FRMPD4: variants seen among roughly 807,000 people sequenced by gnomAD.
The protein encoded by FRMPD4 is FERM and PDZ domain containing 4, also known as FERM and PDZ domain-containing protein 4.
In FRMPD4, 22 loss-of-function variants were observed where a neutral mutation model predicts 94.1. The ratio of observed to expected loss-of-function variants is 0.23; its 90% confidence interval spans 0.17 to 0.33. FRMPD4 has a LOEUF of 0.33. Ranked by LOEUF, FRMPD4 falls within the 10% of genes least tolerant of loss-of-function variation. The pLI, the probability that FRMPD4 is intolerant of heterozygous loss-of-function variation, is 1.00. For missense variants in FRMPD4, 1,111 were observed against 1,339.9 expected, an observed-to-expected ratio of 0.83 and a Z score of 2.67; for synonymous variants, 631 against 548.6, an observed-to-expected ratio of 1.15 and a Z score of -2.10.
At chrX:11,874,074 G>GGTTGT (rs1286830897) in intron 2 of FRMPD4, among the ~76,000 whole-genome samples, 1 of 111,754 alleles carries the variant, frequency 8.9e-6, no homozygotes, top group Non-Finnish European at 1.9e-5. Flanking sequence ...AAAACAGGAT[G>GGTTGT]GTTGTGTCTG....
intron 2 of FRMPD4, among the ~76,000 whole-genome samples, chrX:11,867,376 T>C (rs1156736650): frequency 3.6e-5 from 4 of 111,871 alleles, no homozygotes; most frequent in Non-Finnish European, 7.5e-5. Context: ...AAGCCAATTG[T>C]ATTCACTTAG....
intron 1 of FRMPD4, among the ~76,000 whole-genome samples, chrX:11,833,598 T>C (rs1463930127): frequency 8.9e-6 from 1 of 111,806 alleles, no homozygotes; most frequent in African/African-American, 3.3e-5. Context: ...TTTTAGTGGC[T>C]GGGAAAAGTA....
intron 3 of FRMPD4, among the ~76,000 whole-genome samples, chrX:12,117,099 C>G (rs17321613): frequency 9.1e-6 from 1 of 109,815 alleles, no homozygotes; most frequent in Non-Finnish European, 1.9e-5. Flanking sequence ...CCTGAGGTAT[C>G]TTCTCAAATC....
chrX:11,964,228 C>T (rs1350849770), intron 3 of FRMPD4, among the ~76,000 whole-genome samples: 2 of 109,804 alleles, frequency 1.8e-5, no homozygotes, highest in Non-Finnish European at 1.9e-5. Flanking sequence ...GGCGCAATCT[C>T]GGCTCACTGC....
intron 1 of FRMPD4, among the ~76,000 whole-genome samples, chrX:12,216,542 G>C (rs1313888321): frequency 9.0e-6 from 1 of 111,620 alleles, no homozygotes. Context: ...GAGTATGGTA[G>C]AATGGAATAT....
intron 1 of FRMPD4, among the ~76,000 whole-genome samples, chrX:12,250,206 C>T (rs1479050530): frequency 2.7e-5 from 3 of 109,703 alleles, no homozygotes; most frequent in Non-Finnish European, 5.7e-5. Flanking sequence ...GGGAAGTTTA[C>T]TTAGTGACTT....
intron 1 of FRMPD4, among the ~76,000 whole-genome samples, chrX:12,153,487 A>G (rs1346384631): frequency 8.9e-6 from 1 of 112,242 alleles, no homozygotes; most frequent in Non-Finnish European, 1.9e-5. Flanking sequence ...TGAAACACGC[A>G]TAGGAGGCAA....
At chrX:12,222,794 C>G (rs777274637) in intron 1 of FRMPD4, among the ~76,000 whole-genome samples, 1 of 112,075 alleles carries the variant, frequency 8.9e-6, no homozygotes, top group Admixed American at 9.5e-5. Context: ...TCTTGATGTT[C>G]AGTTATGTTG....
intron 2 of FRMPD4, among the ~76,000 whole-genome samples, chrX:12,518,916 C>G (rs1373717547): frequency 9.0e-6 from 1 of 111,656 alleles, no homozygotes; most frequent in Non-Finnish European, 1.9e-5. Flanking sequence ...AAGGAATAAT[C>G]AAAAAGGAAA....
intron 8 of FRMPD4, among the ~76,000 whole-genome samples, chrX:12,693,041 T>A (rs921441164): frequency 1.2e-4 from 14 of 112,295 alleles, no homozygotes; most frequent in Non-Finnish European, 2.3e-4. Flanking sequence ...GATGCCCACA[T>A]ATGTACAAGT....
intron 1 of FRMPD4, among the ~76,000 whole-genome samples, chrX:12,344,583 C>T (rs1032821025): frequency 8.9e-6 from 1 of 111,918 alleles, no homozygotes; most frequent in African/African-American, 3.2e-5. Flanking sequence ...ATGCTTTGAC[C>T]CTGTCAGGAA....
At chrX:11,990,330 G>A (rs563408822) in intron 3 of FRMPD4, among the ~76,000 whole-genome samples, 1 of 112,153 alleles carries the variant, frequency 8.9e-6, no homozygotes, top group South Asian at 3.7e-4. Flanking sequence ...TGACTGCTCA[G>A]TGGGTACATC....
intron 1 of FRMPD4, among the ~76,000 whole-genome samples, chrX:12,331,772 AT>A (rs1242412606): frequency 1.6e-5 from 1 of 62,763 alleles, no homozygotes; most frequent in Non-Finnish European, 2.6e-5. Flanking sequence ...TATAAATTAT[AT>A]ATTATATATT....
intron 2 of FRMPD4, among the ~76,000 whole-genome samples, chrX:12,536,568 T>A (rs2058341355): frequency 8.9e-6 from 1 of 111,927 alleles, no homozygotes; most frequent in African/African-American, 3.2e-5. Flanking sequence ...TAAAAATTGC[T>A]GCAAATATTA....
chrX:12,716,701 G>A lies in FRMPD4; in HGVS notation c.2242G>A (p.Ala748Thr). Residue 748 changes from alanine to threonine, a missense_variant, in exon 15 of 17, where the codon GCG (alanine) becomes ACG (threonine). This residue lies in a region of FRMPD4 where 192 missense variants were observed against 192.5 expected (regional missense o/e 1.00). Transcript: ENST00000675598. ...CTGTTATGCAGAAAACACTGATGAC[G>A]CGGAGGACGAGGACGAGGTGAGCTG... ...DICYAENTDD[A>T]EDEDEVSCEE... 7.4e-6 allele frequency: 9 copies of A among 1,211,498 alleles called. No homozygotes were observed. Among genetic ancestry groups the A allele is most frequent in the Non-Finnish European group, 1.0e-5 (9 of 895,248 alleles).
intron 1 of FRMPD4, among the ~76,000 whole-genome samples, chrX:11,856,078 C>G (rs1457963934): frequency 8.9e-6 from 1 of 111,742 alleles, no homozygotes; most frequent in Admixed American, 9.5e-5. Flanking sequence ...CACAGGGTGG[C>G]AGGGGAGATA....
intron 1 of FRMPD4, among the ~76,000 whole-genome samples, chrX:12,415,105 C>T (rs932480156): frequency 1.8e-5 from 2 of 110,721 alleles, no homozygotes; most frequent in African/African-American, 6.6e-5. Context: ...CATTTGGGTC[C>T]TGGTGTTCCA....
intron 3 of FRMPD4, among the ~76,000 whole-genome samples, chrX:11,912,399 A>G (rs1488117910): frequency 8.9e-6 from 1 of 112,692 alleles, no homozygotes; most frequent in Non-Finnish European, 1.9e-5. Flanking sequence ...GACACAATGA[A>G]CCGACAGTTT....
intron 1 of FRMPD4, among the ~76,000 whole-genome samples, chrX:12,398,097 A>G (rs2056566530): frequency 9.0e-6 from 1 of 111,188 alleles, no homozygotes; most frequent in Non-Finnish European, 1.9e-5. Flanking sequence ...TTTGCAAACT[A>G]TCCTACTTTT....
Sources: gnomAD v4.1 joint callset for allele counts (sites outside exome capture counted in the v4.1 genomes callset) on GRCh38, gnomAD v4.1.1 for gene constraint, gnomAD v4.1.1 regional missense constraint, MANE v1.5 for transcripts, NCBI Gene and HGNC (gene_info 2026-07-23, HGNC 2026-07-21) for gene names.